RIMBP2: variants seen among roughly 807,000 people sequenced by gnomAD.
RIMBP2 encodes RIMS binding protein 2, also known as RIMS-binding protein 2.
RIMBP2 carries 48 observed loss-of-function variants against 118.6 expected under a neutral mutation model. The ratio of observed to expected loss-of-function variants is 0.40; its 90% CI spans 0.32 to 0.51. RIMBP2 has a LOEUF of 0.51. Among genes scored for constraint, RIMBP2 ranks in the 20% least tolerant of loss-of-function variants. RIMBP2 has a pLI of 0.41. For synonymous variants in RIMBP2, 762 were observed against 742.9 expected (o/e 1.03, Z -0.42); for missense variants, 1,551 against 1,768.3 (o/e 0.88, Z 2.20).
At position 130,474,569 on chromosome 12, in the gene RIMBP2, C is replaced by T. The variant is rs191114427; in HGVS notation, c.103-3826G>A. ...CATGTTTTGGCATCAGTAAATGGGG[C>T]GACATGCCCTCTGTCTGGGCATGGA... is the stretch of plus-strand genomic sequence containing the variant. On this transcript the variant is annotated intron_variant, in intron 5 of 22. Coordinates refer to ENST00000690449, the MANE Select transcript of RIMBP2 (RefSeq NM_001393629.1). Among the ~76,000 whole-genome samples the T allele has an allele frequency of 1.1e-3, 165 of 152,294 alleles. 1 individual carries two copies. The highest frequency in any genetic ancestry group is 1.8e-3 in the Non-Finnish European group (120 of 68,026).
At position 130,422,492 on chromosome 12, in the gene RIMBP2, C is replaced by G. The variant is rs558855948; in HGVS notation, c.3199G>C (p.Gly1067Arg). 6.2e-7 allele frequency: 1 copy of G among 1,613,278 alleles called. No homozygotes were observed. Among genetic ancestry groups the G allele is most frequent in the Non-Finnish European group, 8.5e-7 (1 of 1,179,502 alleles). ...GTCACGGGCCGGGACCTCTGAGGAC[C>G]AGCGCTGCCACGGGGAAACCTCCGG... ...MGRRFPRGSA[G>R]PQRSRPVTVP... is the part of the protein sequence containing the mutation. Residue 1067 changes from glycine (G) to arginine (R), a missense_variant, in exon 17 of 23, where the codon GGT becomes CGT. Transcript: ENST00000690449. This position sits in a 1 kb window ranked among gnomAD's most constrained non-coding sequence, Gnocchi z 5.2.
At chr12:130,618,871 C>T (rs988562960) in intron 2 of RIMBP2, among the ~76,000 whole-genome samples, 8 of 152,168 alleles carry the variant, frequency 5.3e-5, no homozygotes, top group Admixed American at 2.6e-4. Context: ...AGCCTCAGCC[C>T]ACCTAGAAAG....
At chr12:130,458,017 G>T (rs975376240) in intron 6 of RIMBP2, among the ~76,000 whole-genome samples, 3 of 152,124 alleles carry the variant, frequency 2.0e-5, no homozygotes, top group Middle Eastern at 3.4e-3. Flanking sequence ...TTGTCTGCCT[G>T]TTTCCTGCTG....
chr12:130,670,630 CA>C lies in RIMBP2; in HGVS notation c.-351-42175del, dbSNP rs1335042232. On this transcript the variant is annotated intron_variant, in intron 1 of 22. Coordinates refer to ENST00000690449, the MANE Select transcript of RIMBP2 (RefSeq NM_001393629.1). This position sits in a 1 kb window ranked among gnomAD's most constrained non-coding sequence, Gnocchi z 4.9. ...ACCCATTCCCAGTACCCTTCTCTCA[CA>C]CCCGCCTCCACTAGAGAGGCTGGAA... Among the ~76,000 whole-genome samples, 1 of 150,254 alleles carries C rather than the reference CA, an allele frequency of 6.7e-6. No individual in the cohort carries two copies. The highest frequency in any genetic ancestry group is 2.4e-5 in the African/African-American group (1 of 41,288).
In RIMBP2 at chr12:130,420,737, T is replaced by G. The variant is rs2076360688; in HGVS notation, c.3238+1716A>C. On this transcript the variant is annotated intron_variant, in intron 17 of 22. Coordinates refer to ENST00000690449, the MANE Select transcript of RIMBP2 (RefSeq NM_001393629.1). The surrounding 1 kb of genome is among the most constrained non-coding windows in gnomAD (Gnocchi z 4.3). ...CAAGCAACAAGACAACCCAGGACAG[T>G]AGATTTAAACCAGACTCTGACAGCG... 1 of 152,006 alleles carries G rather than the reference T, an allele frequency of 6.6e-6. No individual in the cohort carries two copies. The highest frequency in any genetic ancestry group is 2.1e-4 in the South Asian group (1 of 4,816). 9.4% of individuals were successfully genotyped at this position (152,006 alleles called of 1,614,324 possible). A position where few individuals can be genotyped will look rare whatever the true frequency, so the allele number is the denominator to read the frequency against.
intron 1 of RIMBP2, among the ~76,000 whole-genome samples, chr12:130,643,240 G>A (rs752545528): frequency 7.2e-5 from 11 of 152,202 alleles, no homozygotes; most frequent in Non-Finnish European, 1.5e-4. Flanking sequence ...GCTCACACTC[G>A]CCCTGGCCCC....
rs1398091650 is a variant in RIMBP2, at chr12:130,485,289, G to A, written c.-3-6273C>T. Among the ~76,000 whole-genome samples, 4 of 152,368 alleles carry A rather than the reference G, an allele frequency of 2.6e-5. No homozygotes were observed. The South Asian group carries it at 8.3e-4, about 32-fold the overall frequency. On this transcript the variant is annotated intron_variant, in intron 4 of 22. Coordinates refer to ENST00000690449, the MANE Select transcript of RIMBP2 (RefSeq NM_001393629.1). ...AGGCACTGTGTCATTTGAGGCTGAG[G>A]GTTGGGTGCTGTGGTCACTGCATCC...
In RIMBP2 at chr12:130,451,114, A is replaced by T; in HGVS notation, c.504+81T>A. On this transcript the variant is annotated intron_variant, in intron 8 of 22. Coordinates refer to ENST00000690449, the MANE Select transcript of RIMBP2 (RefSeq NM_001393629.1). ...GACAGGGAGGAAGATGGGGAAGAAAAAACAGGACAAACTGGCCAACGTCCA... is the reference window on the plus strand; with the variant it reads ...GACAGGGAGGAAGATGGGGAAGAAATAACAGGACAAACTGGCCAACGTCCA... The T allele has an allele frequency of 8.8e-6, 13 of 1,483,740 alleles. No homozygotes were observed. The South Asian group carries it at 1.6e-4, about 18-fold the overall frequency. The allele number at this position is 1,483,740 out of a possible 1,614,324, so 91.9% of individuals were successfully genotyped here. A position where few individuals can be genotyped will look rare whatever the true frequency, so the allele number is the denominator to read the frequency against.
chr12:130,438,428 C>T lies in RIMBP2; in HGVS notation c.1593G>A (p.Thr531=), dbSNP rs754319308. The T allele has an allele frequency of 1.4e-5, 22 of 1,529,350 alleles. 1 individual carries two copies. In the East Asian group the frequency reaches 2.2e-4, roughly 15 times the overall value. The allele number at this position is 1,529,350 out of a possible 1,614,324, so 94.7% of individuals were successfully genotyped here. ...TTGCGCCATTGGACAGCCCGGTGGG[C>T]GTCAGCACAGGTGGTCTCCAGGAGA... ...IRVSWRPPVL[T]PTGLSNGANV... Residue 531 remains threonine (T), a synonymous_variant, in exon 12 of 23, where the codon ACG becomes ACA. Transcript: ENST00000690449.
chr12:130,671,222 T>C (rs1033345094), intron 1 of RIMBP2, among the ~76,000 whole-genome samples: 3 of 152,118 alleles, frequency 2.0e-5, no homozygotes, highest in African/African-American at 7.2e-5. Context: ...CCTGATCCAA[T>C]GTCACAGCTT....
At chr12:130,586,482 G>A (rs35674770) in intron 2 of RIMBP2, among the ~76,000 whole-genome samples, 22,983 of 152,040 alleles carry the variant, frequency 0.15, 2,910 homozygotes, top group African/African-American at 0.35. Context: ...AGAAGAGATG[G>A]GGGATCAATA....
chr12:130,495,190 G>C (rs2049028773), intron 4 of RIMBP2, among the ~76,000 whole-genome samples: 1 of 152,194 alleles, frequency 6.6e-6, no homozygotes, highest in South Asian at 2.1e-4. Flanking sequence ...GGCGTCATTT[G>C]GGGGAACACA....
intron 2 of RIMBP2, among the ~76,000 whole-genome samples, chr12:130,547,133 T>C (rs923163757): frequency 5.9e-5 from 9 of 152,236 alleles, no homozygotes; most frequent in African/African-American, 1.2e-4. Flanking sequence ...GTGTCTTCTC[T>C]ATTCTTTAAA....
intron 11 of RIMBP2, among the ~76,000 whole-genome samples, chr12:130,439,369 GTA>G (rs2077841396): frequency 6.6e-6 from 1 of 150,908 alleles, no homozygotes; most frequent in Non-Finnish European, 1.5e-5. Flanking sequence ...GCGTATGTGT[GTA>G]TGTGGGTGTG....
intron 2 of RIMBP2, among the ~76,000 whole-genome samples, chr12:130,597,706 A>T (rs1271299486): frequency 6.6e-6 from 1 of 152,248 alleles, no homozygotes; most frequent in Non-Finnish European, 1.5e-5. Flanking sequence ...AACTGATAAC[A>T]CCACTCAGCA....
Position 130,434,677 on chromosome 12 carries a change from G to C in RIMBP2, c.2253+57C>G. 6.4e-7 allele frequency: 1 copy of C among 1,559,414 alleles called. No individual in the cohort carries two copies. The highest frequency in any genetic ancestry group is 8.7e-7 in the Non-Finnish European group (1 of 1,155,330). On this transcript the variant is annotated intron_variant, in intron 14 of 22. Transcript: ENST00000690449. The surrounding 1 kb of genome is among the most constrained non-coding windows in gnomAD (Gnocchi z 5.7). ...GCCCATGTCTCTTGATCTCCACGGG[G>C]CCCGCTCCGAGCCCGCGCCCACCAG...
At chr12:130,645,205 C>T (rs929354865) in intron 1 of RIMBP2, among the ~76,000 whole-genome samples, 26 of 151,982 alleles carry the variant, frequency 1.7e-4, no homozygotes, top group Non-Finnish European at 3.2e-4. Flanking sequence ...GAGAGTCTCC[C>T]GCCTCAGGTC....
intron 15 of RIMBP2, chr12:130,426,777 G>A (rs1242080364): frequency 6.6e-6 from 1 of 152,210 alleles, no homozygotes; most frequent in Admixed American, 6.5e-5. Flanking sequence ...GAGGAGAGAA[G>A]GTGACATTAT....
At chr12:130,615,237 T>C (rs953192115) in intron 2 of RIMBP2, among the ~76,000 whole-genome samples, 2 of 85,504 alleles carry the variant, frequency 2.3e-5, no homozygotes, top group African/African-American at 4.7e-5. Context: ...TAAATGTATA[T>C]ATGTACACAT....
Sources: gnomAD v4.1 joint callset for allele counts (sites outside exome capture counted in the v4.1 genomes callset) on GRCh38, gnomAD v4.1.1 for gene constraint, Gnocchi (gnomAD v3.1) non-coding constraint, MANE v1.5 for transcripts, NCBI Gene and HGNC (gene_info 2026-07-23, HGNC 2026-07-21) for gene names.